DPY30: variants seen among roughly 807,000 people sequenced by gnomAD.
DPY30 encodes dpy-30 histone methyltransferase complex regulatory subunit.
In DPY30, 6 loss-of-function variants were observed where a neutral mutation model predicts 16.2. The observed-to-expected ratio is 0.37, with a 90% CI of 0.20 to 0.73. The LOEUF (loss-of-function observed/expected upper bound fraction) is 0.73, where lower values mean the gene tolerates loss of function less well. DPY30 is among the 30% of genes least tolerant of loss of function. The pLI, the probability that DPY30 is intolerant of heterozygous loss-of-function variation, is 0.51. For synonymous variants in DPY30, 39 were observed against 38.8 expected (o/e 1.00, Z -0.02); for missense variants, 73 against 113.1 (o/e 0.65, Z 1.61).
In DPY30 at chr2:32,039,233, C is replaced by T. The variant is rs781679475; in HGVS notation, c.84+46G>A. On this transcript the variant is annotated intron_variant, in intron 3 of 4. Transcript: ENST00000342166. Reference sequence around the variant, plus strand: ...AAAGCAGATCCCAAGTTTTCTCCAGCTTGCAAGAGACAACACAGATGAGGC... The same window carrying T: ...AAAGCAGATCCCAAGTTTTCTCCAGTTTGCAAGAGACAACACAGATGAGGC... 6.2e-6 allele frequency: 10 copies of T among 1,613,574 alleles called. No individual in the cohort carries two copies. In the Admixed American group the frequency reaches 1.5e-4, roughly 24 times the overall value.
chr2:32,029,881 C>A, intron 3 of DPY30, 145 bp from the exon 4 acceptor site: 1 of 815,460 alleles, frequency 1.2e-6, no homozygotes, highest in Non-Finnish European at 1.9e-6. Context: ...ACTTCTCTGC[C>A]CAAAATAAAT....
Position 32,039,654 on chromosome 2 carries a change from C to G in DPY30, c.-37+79G>C, listed in dbSNP as rs934602682. The G allele has an allele frequency of 9.5e-6, 6 of 634,758 alleles. No homozygotes were observed. In the African/African-American group the frequency reaches 1.1e-4, roughly 12 times the overall value. The allele number at this position is 634,758 out of a possible 1,614,324, so 39.3% of individuals were successfully genotyped here. A position where few individuals can be genotyped will look rare whatever the true frequency, so the allele number is the denominator to read the frequency against. ...AGTGGGACAGTCCACGACTGGGCGC[C>G]TACATGGGGTCTGGAAACTCTACGA... On this transcript the variant is annotated intron_variant, in intron 1 of 4. Transcript: ENST00000342166.
intron 5 of DPY30, among the ~76,000 whole-genome samples, chr2:32,018,897 G>A (rs1189364978): frequency 6.6e-6 from 1 of 150,578 alleles, no homozygotes; most frequent in Non-Finnish European, 1.5e-5. Flanking sequence ...ATGGTGGCAA[G>A]CACCTGTAGT....
intron 3 of DPY30, among the ~76,000 whole-genome samples, chr2:32,033,206 G>C (rs1300071282): frequency 6.6e-6 from 1 of 152,028 alleles, no homozygotes; most frequent in East Asian, 1.9e-4. Flanking sequence ...CACTCGGGAG[G>C]CTGAGGCAGG....
intron 5 of DPY30, among the ~76,000 whole-genome samples, chr2:32,014,191 AG>A (rs534530833): frequency 6.0e-4 from 91 of 151,754 alleles, no homozygotes; most frequent in African/African-American, 2.1e-3. Context: ...CCCATTAAAA[AG>A]AATGAAGTGG....
At chr2:32,014,628 C>T (rs546827850) in intron 5 of DPY30, among the ~76,000 whole-genome samples, 25 of 152,114 alleles carry the variant, frequency 1.6e-4, no homozygotes, top group East Asian at 1.6e-3. Flanking sequence ...GGACTACAGG[C>T]GCCCACCACC....
chr2:32,034,973 C>T (rs762813518), intron 3 of DPY30, among the ~76,000 whole-genome samples: 3 of 150,764 alleles, frequency 2.0e-5, no homozygotes, highest in South Asian at 4.2e-4. Context: ...CCAGCCTGGG[C>T]GACAAGAGCA....
chr2:32,025,462 CA>C (rs1364272041), intron 4 of DPY30, among the ~76,000 whole-genome samples: 2 of 147,474 alleles, frequency 1.4e-5, no homozygotes, highest in Non-Finnish European at 3.0e-5. Context: ...GATTCCGTCT[CA>C]AAAAAAAAAT....
In DPY30 at chr2:32,039,378, CCT is replaced by C. The variant is rs756439992; in HGVS notation, c.36+41_36+42del. 2.8e-5 allele frequency: 46 copies of C among 1,614,146 alleles called. No individual in the cohort carries two copies. In the South Asian group the frequency reaches 4.6e-4, roughly 16 times the overall value. On this transcript the variant is annotated intron_variant, in intron 2 of 4. Transcript: ENST00000342166. ...GATATAAGTCCCCCCTTTCTCGCTG[CCT>C]CCCTGCACACCGCCACCCTGAATCC...
intron 4 of DPY30, among the ~76,000 whole-genome samples, chr2:32,028,187 T>C (rs941838703): frequency 3.3e-5 from 5 of 150,724 alleles, no homozygotes; most frequent in African/African-American, 1.2e-4. Flanking sequence ...CACAGCTCAC[T>C]GCAGCCTCAA....
chr2:32,025,576 C>G (rs1311304603), intron 4 of DPY30, among the ~76,000 whole-genome samples: 2 of 151,084 alleles, frequency 1.3e-5, no homozygotes, highest in Admixed American at 6.6e-5. Context: ...GCCTGGCCAA[C>G]ATGGTGAAAT....
At chr2:32,027,618 A>C (rs1675380316) in intron 4 of DPY30, among the ~76,000 whole-genome samples, 1 of 149,562 alleles carries the variant, frequency 6.7e-6, no homozygotes. Context: ...CAAATCAACC[A>C]AGATACCCAT....
intron 4 of DPY30, among the ~76,000 whole-genome samples, chr2:32,027,786 G>A (rs937531045): frequency 3.3e-5 from 5 of 151,520 alleles, no homozygotes; most frequent in Non-Finnish European, 5.9e-5. Flanking sequence ...CTGCCACCAC[G>A]CCCAGCTAAT....
At chr2:32,016,397 A>G (rs1675066294) in intron 5 of DPY30, among the ~76,000 whole-genome samples, 1 of 152,106 alleles carries the variant, frequency 6.6e-6, no homozygotes, top group Non-Finnish European at 1.5e-5. Context: ...CAGTTTGATG[A>G]TATGTCATCA....
chr2:32,022,563 G>A (rs1174239382), downstream of DPY30, among the ~76,000 whole-genome samples: 1 of 151,440 alleles, frequency 6.6e-6, no homozygotes, highest in Non-Finnish European at 1.5e-5. Context: ...TGTCGCCCAG[G>A]CTGGAGTGCA....
intron 4 of DPY30, among the ~76,000 whole-genome samples, chr2:32,024,771 G>A (rs755958977): frequency 2.6e-5 from 4 of 152,196 alleles, no homozygotes; most frequent in Non-Finnish European, 5.9e-5. Flanking sequence ...CAAGTGATTA[G>A]TCAAAGAAGC....
At chr2:32,028,850 C>G (rs1274483221) in intron 4 of DPY30, among the ~76,000 whole-genome samples, 1 of 151,744 alleles carries the variant, frequency 6.6e-6, no homozygotes, top group Non-Finnish European at 1.5e-5. Flanking sequence ...GTAATCCCAG[C>G]TACTCGGTAG....
chr2:32,016,114 G>A (rs932770113), intron 5 of DPY30, among the ~76,000 whole-genome samples: 2 of 152,084 alleles, frequency 1.3e-5, no homozygotes, highest in African/African-American at 4.8e-5. Flanking sequence ...TGGCCAGGCT[G>A]GTCTCGAACT....
chr2:32,013,785 G>A (rs768175662), intron 5 of DPY30, among the ~76,000 whole-genome samples: 13 of 152,150 alleles, frequency 8.5e-5, no homozygotes, highest in African/African-American at 2.4e-4. Context: ...CAAGGCGGGC[G>A]GATCACGTGG....
Sources: allele counts gnomAD v4.1 joint callset (sites outside exome capture counted in the v4.1 genomes callset), GRCh38; gene constraint gnomAD v4.1.1; transcripts MANE v1.5; gene names NCBI Gene and HGNC (gene_info 2026-07-23, HGNC 2026-07-21).